RYR3: variants seen among roughly 807,000 people sequenced by gnomAD.
RYR3 encodes ryanodine receptor 3.
In RYR3, 207 loss-of-function variants were observed where a neutral mutation model predicts 584.3. The observed-to-expected ratio is 0.35, with a 90% confidence interval of 0.32 to 0.40. RYR3 has a LOEUF of 0.40. Ranked by LOEUF, RYR3 falls within the 10% of genes least tolerant of loss-of-function variation. The pLI, the probability that RYR3 is intolerant of heterozygous loss-of-function variation, is 1.00. For synonymous variants in RYR3, 2,416 were observed against 2,248.5 expected (o/e 1.07, Z -2.11); for missense variants, 5,616 against 6,089.2 (o/e 0.92, Z 2.59).
At position 33,317,771 on chromosome 15, in the gene RYR3, T is replaced by C. The variant is rs181221371; in HGVS notation, c.51+6675T>C. Among the ~76,000 whole-genome samples the C allele has an allele frequency of 9.2e-5, 14 of 152,290 alleles. 1 individual carries two copies. The highest frequency in any genetic ancestry group is 6.5e-4 in the Admixed American group (10 of 15,290). Reference sequence around the variant, plus strand: ...TATACCTCCTCTCCTCACATGCACTTTTCCCCTCCTCTGGCTTAGAGTACA... The same window carrying C: ...TATACCTCCTCTCCTCACATGCACTCTTCCCCTCCTCTGGCTTAGAGTACA... On this transcript the variant is annotated intron_variant, in intron 1 of 103. Transcript: ENST00000634891.
chr15:33,684,648 A>T (rs957085974), intron 38 of RYR3, among the ~76,000 whole-genome samples: 1 of 152,194 alleles, frequency 6.6e-6, no homozygotes, highest in African/African-American at 2.4e-5. Context: ...ACACATAATC[A>T]TCAGACTGAC....
chr15:33,863,126 C>CTCTT (rs1889067601), intron 102 of RYR3, among the ~76,000 whole-genome samples: 1 of 152,126 alleles, frequency 6.6e-6, no homozygotes. Context: ...TTACACTGGT[C>CTCTT]TCTTTCCTAT....
chr15:33,855,956 C>G (rs2079613502), intron 98 of RYR3: 1 of 152,132 alleles, frequency 6.6e-6, no homozygotes, highest in Admixed American at 6.5e-5. Flanking sequence ...CCTCACATGT[C>G]CAAACCTTTG....
At chr15:33,538,596 G>A (rs970059758) in intron 5 of RYR3, among the ~76,000 whole-genome samples, 1 of 152,184 alleles carries the variant, frequency 6.6e-6, no homozygotes, top group Non-Finnish European at 1.5e-5. Context: ...TCTTCTGGCT[G>A]TTCAGGGCAG....
Position 33,739,961 on chromosome 15 carries a change from G to A in RYR3, c.7786G>A (p.Gly2596Ser). 1.9e-6 allele frequency: 3 copies of A among 1,613,892 alleles called. No individual in the cohort carries two copies. Among genetic ancestry groups the A allele is most frequent in the Non-Finnish European group, 2.5e-6 (3 of 1,179,838 alleles). ...LEKQISVDAD[G>S]NFDPKPINTM... ...GAAACAGATCTCAGTGGATGCGGAT[G>A]GCAACTTTGACCCAAAACCTATTAA... Residue 2596 changes from glycine to serine, a missense_variant, in exon 51 of 104, where the codon GGC becomes AGC. Gly to Ser is a moderately conservative substitution (Grantham distance 56, BLOSUM62 0). Transcript: ENST00000634891.
chr15:33,550,046 A>T, intron 9 of RYR3, 114 bp from the exon 10 acceptor site: 2 of 1,100,426 alleles, frequency 1.8e-6, no homozygotes, highest in Non-Finnish European at 2.6e-6. Context: ...TCCCTTAAGG[A>T]TGGACACCAG....
At chr15:33,658,855 C>T (rs1221256768) in intron 32 of RYR3, among the ~76,000 whole-genome samples, 1 of 152,196 alleles carries the variant, frequency 6.6e-6, no homozygotes, top group African/African-American at 2.4e-5. Context: ...ATGCCAAACC[C>T]TTCAACAGAA....
chr15:33,585,490 G>C (rs11633741), intron 15 of RYR3, among the ~76,000 whole-genome samples: 30,208 of 152,070 alleles, frequency 0.2, 3,412 homozygotes, highest in Middle Eastern at 0.39. Flanking sequence ...ACTTTATTGT[G>C]TGAGCTTACA....
chr15:33,439,456 A>G (rs1203001467), intron 1 of RYR3, among the ~76,000 whole-genome samples: 3 of 152,184 alleles, frequency 2.0e-5, no homozygotes, highest in Non-Finnish European at 4.4e-5. Flanking sequence ...AGTACTGTAT[A>G]TCTTCTTCAT....
At chr15:33,352,131 C>G (rs1220153644) in intron 1 of RYR3, among the ~76,000 whole-genome samples, 1 of 152,140 alleles carries the variant, frequency 6.6e-6, no homozygotes, top group Admixed American at 6.5e-5. Flanking sequence ...AGTGACTGTT[C>G]AGATCTTTTG....
chr15:33,761,554 G>T (rs192036326), intron 60 of RYR3, among the ~76,000 whole-genome samples: 1 of 152,138 alleles, frequency 6.6e-6, no homozygotes, highest in Non-Finnish European at 1.5e-5. Flanking sequence ...ACTAAACCAG[G>T]AAGAAGTCGA....
At chr15:33,532,287 C>T (rs2054946896) in intron 4 of RYR3, among the ~76,000 whole-genome samples, 1 of 152,086 alleles carries the variant, frequency 6.6e-6, no homozygotes, top group African/African-American at 2.4e-5. Flanking sequence ...GTTTTACCTG[C>T]CCATGTATCT....
chr15:33,404,957 G>A (rs1283555176), intron 1 of RYR3, among the ~76,000 whole-genome samples: 2 of 152,086 alleles, frequency 1.3e-5, no homozygotes, highest in Non-Finnish European at 2.9e-5. Flanking sequence ...TTAAGTCCTG[G>A]CTTTGCCACC....
At position 33,363,962 on chromosome 15, in the gene RYR3, T is replaced by C. The variant is rs1975120866; in HGVS notation, c.51+52866T>C. On this transcript the variant is annotated intron_variant, in intron 1 of 103. Coordinates refer to ENST00000634891, the MANE Select transcript of RYR3 (RefSeq NM_001036.6). ...AAACTACTTGGATATATGAATCTAC[T>C]TTTTCCACTGTAAATTTTATGAACT... Among the ~76,000 whole-genome samples, 3 of 152,232 alleles carry C rather than the reference T, an allele frequency of 2.0e-5. No homozygotes were observed. In the South Asian group the frequency reaches 6.2e-4, roughly 31 times the overall value.
intron 1 of RYR3, among the ~76,000 whole-genome samples, chr15:33,322,589 A>G (rs1969118495): frequency 6.6e-6 from 1 of 152,180 alleles, no homozygotes; most frequent in Non-Finnish European, 1.5e-5. Context: ...AATTAAATAC[A>G]TTTTAGATCA....
intron 19 of RYR3, among the ~76,000 whole-genome samples, chr15:33,621,920 T>C (rs1351469500): frequency 3.3e-5 from 5 of 152,198 alleles, no homozygotes; most frequent in African/African-American, 7.2e-5. Flanking sequence ...CACTGGAAAG[T>C]ATCCTGTTGT....
At chr15:33,700,143 A>G (rs892548669) in intron 41 of RYR3, among the ~76,000 whole-genome samples, 1 of 152,312 alleles carries the variant, frequency 6.6e-6, no homozygotes, top group South Asian at 2.1e-4. Flanking sequence ...TTGCAGGTAT[A>G]GTCTGGGGGC....
intron 1 of RYR3, among the ~76,000 whole-genome samples, chr15:33,435,348 G>A (rs1411638164): frequency 2.6e-5 from 4 of 152,082 alleles, no homozygotes; most frequent in Admixed American, 6.5e-5. Context: ...TGAGTTTCAC[G>A]TATAGTGATA....
intron 1 of RYR3, among the ~76,000 whole-genome samples, chr15:33,340,932 A>C (rs962694562): frequency 6.6e-6 from 1 of 152,200 alleles, no homozygotes; most frequent in African/African-American, 2.4e-5. Flanking sequence ...TAGAGACTAG[A>C]ATGGTGGTTC....
Sources: gnomAD v4.1 joint callset for allele counts (sites outside exome capture counted in the v4.1 genomes callset) on GRCh38, gnomAD v4.1.1 for gene constraint, MANE v1.5 for transcripts, NCBI Gene and HGNC (gene_info 2026-07-23, HGNC 2026-07-21) for gene names.